The following IL2RB variants were observed in gnomAD, a reference collection of about 807,000 sequenced individuals.
IL2RB encodes interleukin-2 receptor subunit beta.
IL2RB carries 17 observed loss-of-function variants against 44.2 expected under a neutral mutation model. The ratio of observed to expected loss-of-function variants is 0.38; its 90% CI spans 0.26 to 0.58. IL2RB has a LOEUF of 0.58. Ranked by LOEUF, IL2RB falls within the 20% of genes least tolerant of loss-of-function variation. The pLI, the probability that IL2RB is intolerant of heterozygous loss-of-function variation, is 0.63. For synonymous variants in IL2RB, 286 were observed against 297.9 expected (o/e 0.96, Z 0.41); for missense variants, 624 against 685.5 (o/e 0.91, Z 1.00).
intron 1 of IL2RB, among the ~76,000 whole-genome samples, chr22:37,173,788 G>T (rs1448172150): frequency 1.3e-5 from 2 of 152,166 alleles, no homozygotes; most frequent in East Asian, 3.8e-4. Flanking sequence ...TGGTAGCTTT[G>T]GCGCTGCTGT....
chr22:37,172,195 A>G (rs1368142611), intron 1 of IL2RB, among the ~76,000 whole-genome samples: 2 of 148,792 alleles, frequency 1.3e-5, no homozygotes, highest in African/African-American at 5.1e-5. Context: ...AGAAAACTCA[A>G]CTATTAACTA....
At chr22:37,135,487 T>C in intron 7 of IL2RB, 45 bp from the exon 8 acceptor site, 1 of 1,273,028 alleles carries the variant, frequency 7.9e-7, no homozygotes, top group Non-Finnish European at 1.1e-6. Flanking sequence ...GTTAGAGAAG[T>C]GCCCTCACTC....
At chr22:37,130,659 T>C (rs1921380319) in intron 9 of IL2RB, among the ~76,000 whole-genome samples, 1 of 152,184 alleles carries the variant, frequency 6.6e-6, no homozygotes, top group Non-Finnish European at 1.5e-5. Context: ...CACCTCACGA[T>C]GTTGTAGGTT....
chr22:37,152,929 CTTTTTT>C (rs67046193), upstream of IL2RB, among the ~76,000 whole-genome samples: 23 of 86,982 alleles, frequency 2.6e-4, no homozygotes, highest in Admixed American at 1.5e-3. Context: ...GCTGTGGCCT[CTTTTTT>C]TTTTTTTTTT....
At chr22:37,159,808 G>A (rs1386458489) in intron 1 of IL2RB, among the ~76,000 whole-genome samples, 1 of 152,224 alleles carries the variant, frequency 6.6e-6, no homozygotes, top group Non-Finnish European at 1.5e-5. Flanking sequence ...AGGATTCATG[G>A]AGAAGGACCC....
chr22:37,127,756 G>T lies in IL2RB; in HGVS notation c.*340C>A, dbSNP rs532844221. On this transcript the variant is annotated 3_prime_UTR_variant, in exon 10 of 10. Coordinates refer to ENST00000216223, the MANE Select transcript of IL2RB (RefSeq NM_000878.5). ...TCAGGGCAGGGAGCCCTGGAGAGCC[G>T]CGAGGACTGATATTGGTGAATAGCT... is the stretch of plus-strand genomic sequence containing the variant. 34 of 188,978 alleles carry T rather than the reference G, an allele frequency of 1.8e-4. No individual in the cohort carries two copies. Among genetic ancestry groups the T allele is most frequent in the Admixed American group, 1.5e-3 (25 of 16,370 alleles). The allele number at this position is 188,978 out of a possible 1,614,324, so 11.7% of individuals were successfully genotyped here.
Position 37,134,891 on chromosome 22 carries a change from G to A in IL2RB, c.818+437C>T, listed in dbSNP as rs749334292. On this transcript the variant is annotated intron_variant, in intron 8 of 9. Transcript: ENST00000216223. Reference sequence around the variant, plus strand: ...TTGAGCTGTACCTGGCATGCAGCTCGTACTCAGTGAATATGGGAATAAGCG... The same window carrying A: ...TTGAGCTGTACCTGGCATGCAGCTCATACTCAGTGAATATGGGAATAAGCG... Among the ~76,000 whole-genome samples, 15 of 152,342 alleles carry A rather than the reference G, an allele frequency of 9.8e-5. No individual in the cohort carries two copies. In the Middle Eastern group the frequency reaches 0.014, roughly 138 times the overall value.
chr22:37,148,297 T>C (rs1204178854), intron 1 of IL2RB, among the ~76,000 whole-genome samples: 6 of 152,150 alleles, frequency 3.9e-5, no homozygotes, highest in Admixed American at 1.3e-4. Flanking sequence ...TGCACCCTCA[T>C]TCTGCAATGG....
chr22:37,128,872 G>C lies in IL2RB; in HGVS notation c.904-24C>G, dbSNP rs766744018. On this transcript the variant is annotated intron_variant, in intron 9 of 9. Transcript: ENST00000216223. This position sits in a 1 kb window ranked among gnomAD's most constrained non-coding sequence, Gnocchi z 4.5. ...TTCTGGTGGGAGAAAGGCCAGGGGTGGGTGAGTGGGGGCTTCCTTCACCCT... is the reference window on the plus strand; with the variant it reads ...TTCTGGTGGGAGAAAGGCCAGGGGTCGGTGAGTGGGGGCTTCCTTCACCCT... The C allele has an allele frequency of 7.0e-5, 110 of 1,571,032 alleles. No individual in the cohort carries two copies. In the Admixed American group the frequency reaches 8.2e-4, roughly 12 times the overall value.
intron 1 of IL2RB, among the ~76,000 whole-genome samples, chr22:37,169,170 C>T (rs1419162357): frequency 7.0e-6 from 1 of 143,808 alleles, no homozygotes; most frequent in Non-Finnish European, 1.5e-5. Flanking sequence ...TTCTTGCTTA[C>T]AGAGAGGGGT....
Position 37,137,808 on chromosome 22 carries a change from C to T in IL2RB, c.389-73G>A, listed in dbSNP as rs1921783228. On this transcript the variant is annotated intron_variant, in intron 5 of 9. Transcript: ENST00000216223. ...CTCCCACTTTGTACCTGCCACTCCT[C>T]CCTCCTGGCACATGCTACCACCTCC... 3 of 1,383,694 alleles carry T rather than the reference C, an allele frequency of 2.2e-6. No individual in the cohort carries two copies. In the Admixed American group the frequency reaches 5.2e-5, roughly 24 times the overall value. The allele number at this position is 1,383,694 out of a possible 1,614,324, so 85.7% of individuals were successfully genotyped here. A position where few individuals can be genotyped will look rare whatever the true frequency, so the allele number is the denominator to read the frequency against.
chr22:37,166,104 C>G (rs1476492048), intron 1 of IL2RB, among the ~76,000 whole-genome samples: 1 of 152,186 alleles, frequency 6.6e-6, no homozygotes, highest in African/African-American at 2.4e-5. Flanking sequence ...GAGAGGTGAC[C>G]TCACCGCCCA....
At chr22:37,130,351 C>T (rs940683827) in intron 9 of IL2RB, among the ~76,000 whole-genome samples, 1 of 152,240 alleles carries the variant, frequency 6.6e-6, no homozygotes, top group African/African-American at 2.4e-5. Flanking sequence ...CTTCCTGGGC[C>T]TGAGCCTCTG....
At chr22:37,129,471 C>T (rs548259354) in intron 9 of IL2RB, among the ~76,000 whole-genome samples, 17 of 151,394 alleles carry the variant, frequency 1.1e-4, no homozygotes, top group Admixed American at 2.6e-4. Context: ...CCCCCTCCGC[C>T]TCCCATCCCC....
In IL2RB at chr22:37,137,590, C is replaced by G. The variant is rs757429668; in HGVS notation, c.534G>C (p.Trp178Cys). 3 of 1,614,116 alleles carry G rather than the reference C, an allele frequency of 1.9e-6. No homozygotes were observed. Among genetic ancestry groups the G allele is most frequent in the Non-Finnish European group, 2.5e-6 (3 of 1,179,954 alleles). Reference sequence around the variant, plus strand: ...ACGGACTGGGCCACATTCTCACCTCCCAGGTGTGGCCTGGGGACAGCGTCC... The same window carrying G: ...ACGGACTGGGCCACATTCTCACCTCGCAGGTGTGGCCTGGGGACAGCGTCC... ...EARTLSPGHT[W>C]EEAPLLTLKQ... The change falls in exon 6 of 10, where the codon TGG becomes TGC. Residue 178 changes from tryptophan (W) to cysteine (C), a missense_variant. This residue lies in a region of IL2RB where 255 missense variants were observed against 339.9 expected (regional missense o/e 0.75). Transcript: ENST00000216223.
Position 37,137,678 on chromosome 22 carries a change from T to C in IL2RB, c.446A>G (p.Asn149Ser), listed in dbSNP as rs765775857. The C allele has an allele frequency of 6.2e-7, 1 of 1,614,160 alleles. No individual in the cohort carries two copies. Among genetic ancestry groups the C allele is most frequent in the Non-Finnish European group, 8.5e-7 (1 of 1,179,982 alleles). The change falls in exon 6 of 10, where the codon AAC (asparagine) becomes AGC (serine). Residue 149 changes from asparagine (N) to serine (S), a missense_variant. This residue lies in a region of IL2RB where 255 missense variants were observed against 339.9 expected (regional missense o/e 0.75). Transcript: ENST00000216223. ...QVVHVETHRC[N>S]ISWEISQASH... ...GGCTTGGGAGATTTCCCAGCTTATGTTGCATCTGTGGGTCTCCACGTGGAC... is the reference window on the plus strand; with the variant it reads ...GGCTTGGGAGATTTCCCAGCTTATGCTGCATCTGTGGGTCTCCACGTGGAC...
At chr22:37,170,148 A>G (rs1019266060) in intron 1 of IL2RB, among the ~76,000 whole-genome samples, 32 of 152,136 alleles carry the variant, frequency 2.1e-4, no homozygotes, top group African/African-American at 7.2e-4. Context: ...ATGAACAGAC[A>G]GACGGATGGA....
Position 37,128,173 on chromosome 22 carries a change from C to T in IL2RB, c.1579G>A (p.Ala527Thr). ...GCATCAGTGTTCAGGGGCAGGCGAG[C>T]ATTAAGGGCCCTGAACTCCCCCTGC... ...PGQGEFRALN[A>T]RLPLNTDAYL... Residue 527 changes from alanine to threonine, a missense_variant, in exon 10 of 10, where the codon GCT becomes ACT. Transcript: ENST00000216223. The surrounding 1 kb of genome is among the most constrained non-coding windows in gnomAD (Gnocchi z 4.5). 1 of 1,558,438 alleles carries T rather than the reference C, an allele frequency of 6.4e-7. No individual in the cohort carries two copies. The highest frequency in any genetic ancestry group is 2.3e-5 in the East Asian group (1 of 43,110).
At chr22:37,129,350 G>A (rs989316355) in intron 9 of IL2RB, among the ~76,000 whole-genome samples, 3 of 152,070 alleles carry the variant, frequency 2.0e-5, no homozygotes. Context: ...CCAGCAGGCG[G>A]CAGAGCTGGG....
Sources: allele counts gnomAD v4.1 joint callset (sites outside exome capture counted in the v4.1 genomes callset), GRCh38; gene constraint gnomAD v4.1.1; regional missense constraint gnomAD v4.1.1; non-coding constraint Gnocchi (gnomAD v3.1); transcripts MANE v1.5; gene names NCBI Gene and HGNC (gene_info 2026-07-23, HGNC 2026-07-21).